Variants in SORL1 observed in about 807,000 individuals in gnomAD.
SORL1 encodes sortilin-related receptor.
A neutral mutation model predicts 273.7 loss-of-function variants in SORL1; 127 were observed. That is an observed-to-expected ratio of 0.46 (90% CI 0.40 to 0.54). SORL1 has a LOEUF of 0.54. Ranked by LOEUF, SORL1 falls within the 20% of genes least tolerant of loss-of-function variation. The pLI is 0.00. For missense variants in SORL1, 2,494 were observed against 2,846.1 expected (o/e 0.88, Z 2.81); for synonymous variants, 1,031 against 1,067.4 (o/e 0.97, Z 0.66).
At chr11:121,522,474 A>G (rs1463354147) in intron 9 of SORL1, 112 bp from the exon 10 acceptor site, 4 of 783,308 alleles carry the variant, frequency 5.1e-6, no homozygotes, top group African/African-American at 5.1e-5. Flanking sequence ...CCCCTGGGCC[A>G]GGCCTCCTTG....
At chr11:121,575,466 G>C (rs371141051) in intron 24 of SORL1, among the ~76,000 whole-genome samples, 4 of 152,382 alleles carry the variant, frequency 2.6e-5, no homozygotes, top group African/African-American at 7.2e-5. Flanking sequence ...CTGTCCACGG[G>C]GGGCAGGTCC....
In SORL1 at chr11:121,558,278, G is replaced by A. The variant is rs543373826; in HGVS notation, c.2664-313G>A. Among the ~76,000 whole-genome samples the A allele has an allele frequency of 1.6e-3, 247 of 152,264 alleles. 1 individual carries two copies. Among genetic ancestry groups the A allele is most frequent in the African/African-American group, 5.8e-3 (239 of 41,540 alleles). On this transcript the variant is annotated intron_variant, in intron 19 of 47. Transcript: ENST00000260197. ...CATATATAGATTTTTAGGTTTCACA[G>A]TATTCTATTATATGTACCATAATGT...
intron 31 of SORL1, among the ~76,000 whole-genome samples, chr11:121,594,419 A>C (rs1863262824): frequency 6.6e-6 from 1 of 151,402 alleles, no homozygotes; most frequent in South Asian, 2.1e-4. Context: ...TTAATCTTTT[A>C]TAGTTTTGAA....
chr11:121,624,553 C>G (rs770064047), intron 45 of SORL1, among the ~76,000 whole-genome samples: 13 of 152,180 alleles, frequency 8.5e-5, no homozygotes, highest in Admixed American at 7.9e-4. Context: ...GGGCTGAGAT[C>G]GGCTCAGAAG....
At chr11:121,494,620 A>G (rs1437960207) in intron 5 of SORL1, among the ~76,000 whole-genome samples, 2 of 152,198 alleles carry the variant, frequency 1.3e-5, no homozygotes, top group Admixed American at 6.5e-5. Flanking sequence ...AGCGTAAGAC[A>G]TTGGAAGTCT....
At chr11:121,532,685 A>C (rs1862218728) in intron 12 of SORL1, 133 bp downstream of exon 12, 2 of 722,368 alleles carry the variant, frequency 2.8e-6, no homozygotes, top group Non-Finnish European at 4.5e-6. Context: ...ATATGAGTTA[A>C]ACTTTTTTTT....
chr11:121,484,456 T>G (rs1440964786), intron 3 of SORL1, among the ~76,000 whole-genome samples: 1 of 152,026 alleles, frequency 6.6e-6, no homozygotes. Context: ...TTGAGAAAGA[T>G]TTTAAAGGAA....
At chr11:121,499,064 T>C (rs1466436452) in intron 6 of SORL1, among the ~76,000 whole-genome samples, 1 of 152,192 alleles carries the variant, frequency 6.6e-6, no homozygotes, top group Non-Finnish European at 1.5e-5. Flanking sequence ...CCCAGTGCCT[T>C]GCGCTATGTT....
Position 121,627,463 on chromosome 11 carries a change from C to T in SORL1, c.6365-92C>T, listed in dbSNP as rs1591359834. Reference sequence around the variant, plus strand: ...AGTTTGTGTAGCTGTGGCTATCGCCCAGCTTTTTTTGGTGGGTGGGGCCTT... The same window carrying T: ...AGTTTGTGTAGCTGTGGCTATCGCCTAGCTTTTTTTGGTGGGTGGGGCCTT... On this transcript the variant is annotated intron_variant, in intron 46 of 47. Transcript: ENST00000260197. The surrounding 1 kb of genome is among the most constrained non-coding windows in gnomAD (Gnocchi z 4.9). 1 of 1,035,084 alleles carries T rather than the reference C, an allele frequency of 9.7e-7. No homozygotes were observed. The highest frequency in any genetic ancestry group is 2.4e-5 in the East Asian group (1 of 42,162). The allele number at this position is 1,035,084 out of a possible 1,614,324, so 64.1% of individuals were successfully genotyped here. A position where few individuals can be genotyped will look rare whatever the true frequency, so the allele number is the denominator to read the frequency against.
rs1163181322 is a variant in SORL1, at chr11:121,596,832, T to C, written c.4519+1060T>C. On this transcript the variant is annotated intron_variant, in intron 32 of 47. Transcript: ENST00000260197. The surrounding 1 kb of genome is among the most constrained non-coding windows in gnomAD (Gnocchi z 4.3). ...TTTGATCCCTGTTCTGGTCCCATTT[T>C]TTTTTTAATCTTAAAATAATGACTT... is the stretch of plus-strand genomic sequence containing the variant. Among the ~76,000 whole-genome samples the C allele has an allele frequency of 6.6e-6, 1 of 152,174 alleles. No homozygotes were observed. Among genetic ancestry groups the C allele is most frequent in the Non-Finnish European group, 1.5e-5 (1 of 68,034 alleles).
chr11:121,560,953 A>G (rs1862663561), intron 21 of SORL1, among the ~76,000 whole-genome samples: 1 of 152,202 alleles, frequency 6.6e-6, no homozygotes, highest in African/African-American at 2.4e-5. Flanking sequence ...TTCTTAGAGG[A>G]GGCACCTGTT....
At chr11:121,532,840 C>T (rs1349170504) in intron 12 of SORL1, among the ~76,000 whole-genome samples, 1 of 152,072 alleles carries the variant, frequency 6.6e-6, no homozygotes, top group Non-Finnish European at 1.5e-5. Flanking sequence ...CCTGCCACCA[C>T]GTCCGGCTAA....
intron 45 of SORL1, among the ~76,000 whole-genome samples, chr11:121,624,303 T>C (rs1460927802): frequency 6.6e-5 from 10 of 152,050 alleles, no homozygotes; most frequent in Non-Finnish European, 1.5e-4. Flanking sequence ...GATGGAGTCT[T>C]TTCAGGGGGA....
intron 6 of SORL1, 138 bp from the exon 7 acceptor site, chr11:121,512,865 C>G (rs372273354): frequency 1.5e-6 from 1 of 649,978 alleles, no homozygotes; most frequent in East Asian, 2.7e-5. Flanking sequence ...ATTGCAAAAA[C>G]ATGAATTTGC....
intron 8 of SORL1, among the ~76,000 whole-genome samples, chr11:121,519,412 C>A (rs554610861): frequency 1.4e-5 from 2 of 142,278 alleles, no homozygotes; most frequent in East Asian, 2.1e-4. Context: ...TTCTCTCTCT[C>A]TTTTTTTTTT....
intron 9 of SORL1, among the ~76,000 whole-genome samples, chr11:121,522,328 A>G (rs961557742): frequency 2.0e-5 from 3 of 152,150 alleles, no homozygotes; most frequent in African/African-American, 7.2e-5. Flanking sequence ...ACTGATTTCT[A>G]ATTGTTATTC....
At chr11:121,571,082 C>T (rs899118050) in intron 23 of SORL1, among the ~76,000 whole-genome samples, 4 of 152,302 alleles carry the variant, frequency 2.6e-5, no homozygotes, top group South Asian at 2.1e-4. Flanking sequence ...AAGGCAGAAA[C>T]GGAGTTCACA....
intron 3 of SORL1, among the ~76,000 whole-genome samples, chr11:121,484,375 AGTTT>A (rs763941785): frequency 2.0e-5 from 3 of 152,176 alleles, no homozygotes; most frequent in Non-Finnish European, 4.4e-5. Context: ...GCCTGCCTCC[AGTTT>A]GTTTAGTCTC....
At chr11:121,483,963 A>C (rs1203568281) in intron 3 of SORL1, among the ~76,000 whole-genome samples, 1 of 152,048 alleles carries the variant, frequency 6.6e-6, no homozygotes, top group African/African-American at 2.4e-5. Flanking sequence ...AGGAGCCCTC[A>C]AGCAGGAGAA....
Sources: gnomAD v4.1 joint callset for allele counts (sites outside exome capture counted in the v4.1 genomes callset) on GRCh38, gnomAD v4.1.1 for gene constraint, Gnocchi (gnomAD v3.1) non-coding constraint, MANE v1.5 for transcripts, NCBI Gene and HGNC (gene_info 2026-07-23, HGNC 2026-07-21) for gene names.